The following BICDL1 variants were observed in gnomAD, a reference collection of about 807,000 sequenced individuals.
BICDL1 encodes BICD family-like cargo adapter 1.
Under a neutral mutation model 76.8 loss-of-function variants are expected in BICDL1, and 20 were observed. The ratio of observed to expected loss-of-function variants is 0.26; its 90% CI spans 0.18 to 0.38. BICDL1 has a LOEUF of 0.38. Ranked by LOEUF, BICDL1 falls within the 10% of genes least tolerant of loss-of-function variation. The pLI, the probability that BICDL1 is intolerant of heterozygous loss-of-function variation, is 1.00. For missense variants in BICDL1, 700 were observed against 798.6 expected (o/e 0.88, Z 1.49); for synonymous variants, 383 against 337.1 (o/e 1.14, Z -1.49).
intron 2 of BICDL1, among the ~76,000 whole-genome samples, chr12:120,014,411 T>C (rs1233571047): frequency 6.6e-6 from 1 of 152,052 alleles, no homozygotes; most frequent in African/African-American, 2.4e-5. Context: ...AAACCATTCT[T>C]GCACCGGTGC....
chr12:120,085,998 TA>T (rs397850497), intron 8 of BICDL1, among the ~76,000 whole-genome samples: 35,647 of 129,306 alleles, frequency 0.28, 6,005 homozygotes, highest in African/African-American at 0.5. Flanking sequence ...TTTCTCCCTT[TA>T]AAAAAAAAAA....
intron 2 of BICDL1, among the ~76,000 whole-genome samples, chr12:120,025,871 T>C (rs1205175403): frequency 6.6e-6 from 1 of 152,152 alleles, no homozygotes; most frequent in African/African-American, 2.4e-5. Context: ...AGAGTTTTGC[T>C]CTGTCACCTA....
intron 2 of BICDL1, among the ~76,000 whole-genome samples, chr12:120,043,101 A>G (rs1248672306): frequency 6.6e-6 from 1 of 152,204 alleles, no homozygotes; most frequent in Non-Finnish European, 1.5e-5. Context: ...CAGTTTCTTT[A>G]TCGATGAAAT....
intron 2 of BICDL1, among the ~76,000 whole-genome samples, chr12:120,034,004 A>G (rs1361240946): frequency 6.6e-6 from 1 of 152,192 alleles, no homozygotes; most frequent in African/African-American, 2.4e-5. Context: ...CTTTTGAAAG[A>G]TAACTTATTT....
intron 2 of BICDL1, among the ~76,000 whole-genome samples, chr12:120,049,679 G>A (rs749455597): frequency 2.0e-5 from 3 of 152,044 alleles, no homozygotes; most frequent in Admixed American, 6.5e-5. Flanking sequence ...GTATTGCCTC[G>A]GTCCCATTCA....
Position 120,093,515 on chromosome 12 carries a change from C to T in BICDL1, c.*354C>T, listed in dbSNP as rs1405347669. The T allele has an allele frequency of 3.2e-5, 8 of 253,928 alleles. No individual in the cohort carries two copies. The allele number at this position is 253,928 out of a possible 1,614,324, so 15.7% of individuals were successfully genotyped here. A position where few individuals can be genotyped will look rare whatever the true frequency, so the allele number is the denominator to read the frequency against. ...CGCAGCCCACCCCCAGGCACTGCTG[C>T]CTCCTTGATTTTAGCAAATGGGGAA... On this transcript the variant is annotated 3_prime_UTR_variant, in exon 10 of 10. Coordinates refer to ENST00000548673, the MANE Select transcript of BICDL1 (RefSeq NM_001367886.1).
intron 2 of BICDL1, among the ~76,000 whole-genome samples, chr12:120,046,740 T>A (rs569204810): frequency 6.6e-6 from 1 of 152,338 alleles, no homozygotes; most frequent in East Asian, 1.9e-4. Flanking sequence ...CAAGTTAACA[T>A]AGGGGATAGT....
intron 2 of BICDL1, among the ~76,000 whole-genome samples, chr12:120,035,566 C>G (rs566151299): frequency 1.3e-5 from 2 of 152,302 alleles, no homozygotes; most frequent in South Asian, 4.1e-4. Context: ...GCAGCTGACT[C>G]TAAAACCCTG....
intron 1 of BICDL1, among the ~76,000 whole-genome samples, chr12:119,994,845 A>G (rs920598913): frequency 1.4e-4 from 22 of 152,222 alleles, no homozygotes; most frequent in African/African-American, 5.3e-4. Context: ...AAGATAGTAC[A>G]GAGAGTTTGC....
intron 2 of BICDL1, among the ~76,000 whole-genome samples, chr12:120,020,078 A>G (rs1952147979): frequency 6.6e-6 from 1 of 152,194 alleles, no homozygotes; most frequent in African/African-American, 2.4e-5. Flanking sequence ...AATACTAGTT[A>G]GTAGTAATGA....
chr12:120,013,439 AG>A (rs965627783), intron 2 of BICDL1, among the ~76,000 whole-genome samples: 5 of 134,802 alleles, frequency 3.7e-5, no homozygotes, highest in African/African-American at 1.4e-4. Context: ...CTTTAACCAG[AG>A]TGTGTGTGTG....
chr12:119,997,226 G>A (rs567453789), intron 1 of BICDL1, among the ~76,000 whole-genome samples: 28 of 152,290 alleles, frequency 1.8e-4, no homozygotes, highest in African/African-American at 5.8e-4. Context: ...GATTACAGGC[G>A]TGTGCCACCG....
chr12:120,092,390 A>G, intron 9 of BICDL1: 17 of 985,482 alleles, frequency 1.7e-5, no homozygotes, highest in Non-Finnish European at 2.0e-5. Flanking sequence ...GAAGACCGTG[A>G]GGCCCCTGGC....
At chr12:120,030,960 A>T (rs756907170) in intron 2 of BICDL1, among the ~76,000 whole-genome samples, 54 of 152,154 alleles carry the variant, frequency 3.5e-4, no homozygotes, top group Non-Finnish European at 7.1e-4. Context: ...CTTATAGAAC[A>T]TGTTTCTAGA....
chr12:120,064,981 C>A, intron 4 of BICDL1, 102 bp downstream of exon 4: 1 of 1,349,456 alleles, frequency 7.4e-7, no homozygotes, highest in Non-Finnish European at 1.0e-6. Context: ...CTGGGGTAAG[C>A]TGGGAGTGGA....
In BICDL1 at chr12:120,064,718, T is replaced by A; in HGVS notation, c.763-15T>A. 1 of 1,598,790 alleles carries A rather than the reference T, an allele frequency of 6.3e-7. No individual in the cohort carries two copies. Among genetic ancestry groups the A allele is most frequent in the Non-Finnish European group, 8.5e-7 (1 of 1,173,278 alleles). On this transcript the variant is annotated splice_polypyrimidine_tract_variant and intron_variant, in intron 3 of 9. Transcript: ENST00000548673. ...TGTAACTCCACACCACCCCTGTGGC[T>A]CTCCACCCTTTCAGATCAAGATGCT...
Position 120,093,110 on chromosome 12 carries a change from G to A in BICDL1, c.1815G>A (p.Glu605=). 6.2e-7 allele frequency: 1 copy of A among 1,611,836 alleles called. No individual in the cohort carries two copies. Among genetic ancestry groups the A allele is most frequent in the Non-Finnish European group, 8.5e-7 (1 of 1,178,874 alleles). Residue 605 remains glutamate, a synonymous_variant, in exon 10 of 10, where the codon GAG becomes GAA. Transcript: ENST00000548673. ...CRGHSAGRGD[E]PSIAEGKRLF... is the part of the protein sequence containing the mutation. The stretch of plus-strand genomic sequence containing the variant: ...GCCACAGCGCTGGGCGGGGGGATGA[G>A]CCCAGCATCGCTGAAGGCAAACGAC...
chr12:120,062,838 TGCCTCTGCCA>T (rs1953135016), intron 3 of BICDL1, among the ~76,000 whole-genome samples: 1 of 152,190 alleles, frequency 6.6e-6, no homozygotes, highest in Non-Finnish European at 1.5e-5. Flanking sequence ...GCCATTCACC[TGCCTCTGCCA>T]GCCTCTGACT....
In BICDL1 at chr12:120,000,108, A is replaced by C. The variant is rs151000130; in HGVS notation, c.645+1372A>C. 2.1e-3 allele frequency among the ~76,000 whole-genome samples: 326 copies of C among 152,338 alleles called. 4 individuals carry two copies. Among genetic ancestry groups the C allele is most frequent in the Middle Eastern group, 0.01 (3 of 294 alleles). On this transcript the variant is annotated intron_variant, in intron 2 of 9. Transcript: ENST00000548673. ...CAAGAATATGGGAAGAAGTGCCACC[A>C]ATGGGGAAGGGAGGAGAAGAAGGAA... is the stretch of plus-strand genomic sequence containing the variant.
Sources: allele counts gnomAD v4.1 joint callset (sites outside exome capture counted in the v4.1 genomes callset), GRCh38; gene constraint gnomAD v4.1.1; transcripts MANE v1.5; gene names NCBI Gene and HGNC (gene_info 2026-07-23, HGNC 2026-07-21).